Variants in TLK2 observed in about 807,000 individuals in gnomAD.
TLK2 encodes the protein serine/threonine-protein kinase tousled-like 2.
In TLK2, 6 loss-of-function variants were observed where a neutral mutation model predicts 117.3. The ratio of observed to expected loss-of-function variants is 0.05; its 90% confidence interval spans 0.03 to 0.10. The LOEUF (loss-of-function observed/expected upper bound fraction) is 0.10. Among genes scored for constraint, TLK2 ranks in the 10% least tolerant of loss-of-function variants. The pLI, the probability that TLK2 is intolerant of heterozygous loss-of-function variation, is 1.00. For missense variants in TLK2, 299 were observed against 901.2 expected, an observed-to-expected ratio of 0.33 and a Z score of 8.56; for synonymous variants, 257 against 316.7, an observed-to-expected ratio of 0.81 and a Z score of 2.00.
Position 62,481,114 on chromosome 17 carries a change from T to G in TLK2, c.-5-7T>G. The G allele has an allele frequency of 6.2e-7, 1 of 1,613,582 alleles. No individual in the cohort carries two copies. The highest frequency in any genetic ancestry group is 2.2e-5 in the East Asian group (1 of 44,866). Reference sequence around the variant, plus strand: ...TATGGTTTCACAGCCTACTTTTTCTTTTTCAGCAGAAATGATGGAAGAATT... The same window carrying G: ...TATGGTTTCACAGCCTACTTTTTCTGTTTCAGCAGAAATGATGGAAGAATT... On this transcript the variant is annotated splice_region_variant and splice_polypyrimidine_tract_variant and intron_variant, in intron 1 of 21. Coordinates refer to ENST00000346027, the MANE Select transcript of TLK2 (RefSeq NM_006852.6).
intron 2 of TLK2, among the ~76,000 whole-genome samples, chr17:62,494,658 C>T (rs988971930): frequency 9.9e-5 from 15 of 152,238 alleles, no homozygotes; most frequent in Admixed American, 5.9e-4. Flanking sequence ...CCTGCCTTGG[C>T]CTCCCAAAGT....
chr17:62,535,493 AC>A (rs1302311295), intron 6 of TLK2, among the ~76,000 whole-genome samples: 10 of 152,114 alleles, frequency 6.6e-5, no homozygotes, highest in Admixed American at 6.5e-4. Context: ...CAGGCCAGGC[AC>A]GGTGGCTCAT....
At chr17:62,530,886 GCTTT>G (rs2076694500) in intron 6 of TLK2, among the ~76,000 whole-genome samples, 1 of 151,906 alleles carries the variant, frequency 6.6e-6, no homozygotes, top group African/African-American at 2.4e-5. Flanking sequence ...TTTTAGGTTC[GCTTT>G]CTTTTTTTTT....
intron 2 of TLK2, among the ~76,000 whole-genome samples, chr17:62,513,640 T>C (rs1218034875): frequency 1.3e-5 from 2 of 152,160 alleles, no homozygotes; most frequent in Admixed American, 1.3e-4. Flanking sequence ...ATTGCTTTTA[T>C]ACTTTTGTAA....
chr17:62,494,133 G>C (rs1171336848), intron 2 of TLK2, among the ~76,000 whole-genome samples: 1 of 152,078 alleles, frequency 6.6e-6, no homozygotes, highest in Non-Finnish European at 1.5e-5. Context: ...GCCTAGGCTG[G>C]AGTGCAGTGG....
At chr17:62,566,192 T>A (rs957569822) in intron 11 of TLK2, among the ~76,000 whole-genome samples, 7 of 152,200 alleles carry the variant, frequency 4.6e-5, no homozygotes, top group Non-Finnish European at 1.0e-4. Context: ...CTTCTTTTTT[T>A]TTTTAATCTC....
At chr17:62,575,833 A>T (rs1328913370) in intron 12 of TLK2, among the ~76,000 whole-genome samples, 3 of 152,058 alleles carry the variant, frequency 2.0e-5, no homozygotes, top group Non-Finnish European at 4.4e-5. Context: ...AGTAGCTGGG[A>T]CTACAGGCAT....
chr17:62,530,578 T>C (rs1375473513), intron 6 of TLK2, among the ~76,000 whole-genome samples: 1 of 152,252 alleles, frequency 6.6e-6, no homozygotes, highest in Non-Finnish European at 1.5e-5. Context: ...CACTGTTTAC[T>C]CTGCTACTGA....
chr17:62,557,514 C>T (rs1439535761), intron 9 of TLK2, among the ~76,000 whole-genome samples: 1 of 151,880 alleles, frequency 6.6e-6, no homozygotes, highest in Non-Finnish European at 1.5e-5. Context: ...ATGAGGAGAC[C>T]CATATGTAGT....
chr17:62,552,128 C>G (rs2078512799), intron 7 of TLK2, 174 bp from the exon 8 acceptor site: 3 of 900,914 alleles, frequency 3.3e-6, no homozygotes, highest in Non-Finnish European at 5.1e-6. Context: ...AGCCCTTTGT[C>G]TCATATTTGA....
At chr17:62,583,768 G>A (rs774180106) in intron 15 of TLK2, among the ~76,000 whole-genome samples, 1 of 151,846 alleles carries the variant, frequency 6.6e-6, no homozygotes, top group Non-Finnish European at 1.5e-5. Context: ...TGGTAGAGAC[G>A]GGGTTTTACT....
chr17:62,576,560 T>G, intron 12 of TLK2, 149 bp from the exon 13 acceptor site: 2 of 610,468 alleles, frequency 3.3e-6, no homozygotes, highest in Non-Finnish European at 5.8e-6. Context: ...AGTTTTCTCT[T>G]GTCAGAGGAC....
At chr17:62,497,771 T>A (rs1481886685) in intron 2 of TLK2, among the ~76,000 whole-genome samples, 1 of 152,220 alleles carries the variant, frequency 6.6e-6, no homozygotes, top group East Asian at 1.9e-4. Flanking sequence ...CTAGGCTTAC[T>A]GCAACCTCCA....
chr17:62,485,052 A>G (rs558544396), intron 2 of TLK2, among the ~76,000 whole-genome samples: 5 of 152,056 alleles, frequency 3.3e-5, no homozygotes, highest in African/African-American at 1.2e-4. Flanking sequence ...CAAAACAAAA[A>G]AAGAATATCA....
At chr17:62,600,995 T>C (rs1389187268) in intron 18 of TLK2, among the ~76,000 whole-genome samples, 175 bp downstream of exon 18, 1 of 152,142 alleles carries the variant, frequency 6.6e-6, no homozygotes, top group East Asian at 1.9e-4. Flanking sequence ...GCACTGGGTT[T>C]AGGAGGGCGT....
chr17:62,525,783 T>C (rs951389306), intron 6 of TLK2, among the ~76,000 whole-genome samples: 1 of 152,222 alleles, frequency 6.6e-6, no homozygotes, highest in Non-Finnish European at 1.5e-5. Context: ...TTAGAAATGT[T>C]TGTTTGATCA....
chr17:62,505,283 G>C (rs544714444), intron 2 of TLK2, among the ~76,000 whole-genome samples: 82 of 151,920 alleles, frequency 5.4e-4, no homozygotes, highest in Non-Finnish European at 1.0e-3. Context: ...TTACTCTGTT[G>C]CCCAGACTAA....
upstream of TLK2, among the ~76,000 whole-genome samples, chr17:62,476,167 A>C (rs538563172): frequency 2.0e-5 from 3 of 151,902 alleles, no homozygotes; most frequent in South Asian, 6.2e-4. Flanking sequence ...TTTAGTAGAC[A>C]CGGGGTTTCA....
intron 12 of TLK2, among the ~76,000 whole-genome samples, 188 bp downstream of exon 12, chr17:62,573,555 CTCTT>C (rs2080492042): frequency 6.6e-6 from 1 of 152,202 alleles, no homozygotes; most frequent in South Asian, 2.1e-4. Context: ...CTTAAACCTG[CTCTT>C]TCTTTAGGGC....
Sources: allele counts gnomAD v4.1 joint callset (sites outside exome capture counted in the v4.1 genomes callset), GRCh38; gene constraint gnomAD v4.1.1; transcripts MANE v1.5; gene names NCBI Gene and HGNC (gene_info 2026-07-23, HGNC 2026-07-21).